The following EYA3 variants were observed in gnomAD, a reference collection of about 807,000 sequenced individuals.
EYA3 encodes protein phosphatase EYA3.
Under a neutral mutation model 80.0 loss-of-function variants are expected in EYA3, and 39 were observed. The observed-to-expected ratio is 0.49, with a 90% confidence interval of 0.38 to 0.64. The LOEUF (loss-of-function observed/expected upper bound fraction) is 0.64, where lower values mean the gene tolerates loss of function less well. Among genes scored for constraint, EYA3 ranks in the 30% least tolerant of loss-of-function variants. The pLI, the probability that EYA3 is intolerant of heterozygous loss-of-function variation, is 0.00. For missense variants in EYA3, 523 were observed against 676.1 expected (o/e 0.77, Z 2.51); for synonymous variants, 206 against 232.8 (o/e 0.88, Z 1.05).
At chr1:28,073,103 T>TTATATATA (rs201041762) in intron 1 of EYA3, among the ~76,000 whole-genome samples, 15 of 37,748 alleles carry the variant, frequency 4.0e-4, no homozygotes, top group East Asian at 1.5e-3. Context: ...GATGAAACTA[T>TTATATATA]TATATATATA....
intron 2 of EYA3, among the ~76,000 whole-genome samples, chr1:28,054,657 G>A (rs1056063191): frequency 1.3e-5 from 2 of 152,098 alleles, no homozygotes; most frequent in Non-Finnish European, 2.9e-5. Flanking sequence ...CCAGGAGTTC[G>A]AGACCAGCCT....
At chr1:28,079,729 G>T (rs1645352919) in intron 1 of EYA3, among the ~76,000 whole-genome samples, 1 of 152,056 alleles carries the variant, frequency 6.6e-6, no homozygotes. Context: ...CAGCTATTTA[G>T]GTTAAGTTTT....
intron 8 of EYA3, among the ~76,000 whole-genome samples, chr1:28,014,154 C>G (rs1641878816): frequency 6.6e-6 from 1 of 151,990 alleles, no homozygotes; most frequent in Admixed American, 6.6e-5. Flanking sequence ...CAGTGGCTTA[C>G]GCCTGTAATC....
intron 15 of EYA3, 125 bp downstream of exon 15, chr1:27,989,572 C>T (rs748476547): frequency 9.8e-6 from 5 of 508,486 alleles, no homozygotes; most frequent in Non-Finnish European, 1.1e-5. Flanking sequence ...ACAAATACTT[C>T]CCTACATCAT....
intron 1 of EYA3, among the ~76,000 whole-genome samples, chr1:28,073,424 A>G (rs942782019): frequency 2.7e-5 from 4 of 150,006 alleles, no homozygotes; most frequent in Non-Finnish European, 4.4e-5. Context: ...CAGCCTCCCG[A>G]GCAGCTGGGA....
At chr1:28,050,204 T>TA (rs1405358520) in intron 2 of EYA3, among the ~76,000 whole-genome samples, 42 of 139,916 alleles carry the variant, frequency 3.0e-4, no homozygotes, top group Admixed American at 1.7e-3. Flanking sequence ...TTATTATTAT[T>TA]TTTTTTGAGA....
chr1:28,030,947 T>A (rs1430101105), intron 6 of EYA3, among the ~76,000 whole-genome samples: 3 of 152,244 alleles, frequency 2.0e-5, no homozygotes, highest in African/African-American at 7.2e-5. Flanking sequence ...GTCATCACTG[T>A]GATTTCTTTT....
Position 27,973,551 on chromosome 1 carries a change from C to T in EYA3, c.*915G>A, listed in dbSNP as rs1638807481. Reference sequence around the variant, plus strand: ...GAAGCTAAGCCTCCTGTGATACAGTCTGAATGACAGTCAAGCTGAAGGAGT... The same window carrying T: ...GAAGCTAAGCCTCCTGTGATACAGTTTGAATGACAGTCAAGCTGAAGGAGT... On this transcript the variant is annotated 3_prime_UTR_variant, in exon 18 of 18. Coordinates refer to ENST00000373871, the MANE Select transcript of EYA3 (RefSeq NM_001990.4). 1.3e-5 allele frequency: 2 copies of T among 152,076 alleles called. No individual in the cohort carries two copies. Among genetic ancestry groups the T allele is most frequent in the Admixed American group, 1.3e-4 (2 of 15,246 alleles). The allele number at this position is 152,076 out of a possible 1,614,324, so 9.4% of individuals were successfully genotyped here.
At chr1:28,079,283 T>C (rs777932377) in intron 1 of EYA3, among the ~76,000 whole-genome samples, 25 of 152,324 alleles carry the variant, frequency 1.6e-4, no homozygotes, top group Non-Finnish European at 3.1e-4. Flanking sequence ...CCCTTTGTGA[T>C]TACAGGAAAC....
intron 7 of EYA3, among the ~76,000 whole-genome samples, chr1:28,022,601 T>C (rs1486883651): frequency 6.6e-6 from 1 of 152,204 alleles, no homozygotes; most frequent in Non-Finnish European, 1.5e-5. Flanking sequence ...GAAATATTTA[T>C]AGATATGTGT....
chr1:28,022,919 G>A (rs1274606543), intron 7 of EYA3, among the ~76,000 whole-genome samples: 1 of 152,028 alleles, frequency 6.6e-6, no homozygotes, highest in Non-Finnish European at 1.5e-5. Flanking sequence ...GTTTTGCCTT[G>A]TTGCCCAGGC....
chr1:28,073,103 T>TTCTCTCTATATATATATATATATATA (rs1447435853), intron 1 of EYA3, among the ~76,000 whole-genome samples: 1 of 37,750 alleles, frequency 2.6e-5, no homozygotes. Context: ...GATGAAACTA[T>TTCTCTCTATATATATATATATATATA]TATATATATA....
At chr1:28,053,368 T>C (rs1263036290) in intron 2 of EYA3, among the ~76,000 whole-genome samples, 1 of 152,108 alleles carries the variant, frequency 6.6e-6, no homozygotes, top group Non-Finnish European at 1.5e-5. Context: ...TGGCTAATGA[T>C]AACACAAAAA....
intron 14 of EYA3, chr1:27,990,275 A>G (rs951946634): frequency 2.8e-5 from 5 of 181,238 alleles, no homozygotes; most frequent in Non-Finnish European, 6.3e-5. Flanking sequence ...ATCACCCACC[A>G]TCTTCCTGTC....
At chr1:28,076,095 G>A (rs935865575) in intron 1 of EYA3, among the ~76,000 whole-genome samples, 1 of 152,098 alleles carries the variant, frequency 6.6e-6, no homozygotes, top group African/African-American at 2.4e-5. Context: ...TCACATTTCT[G>A]TAACCAGAAA....
intron 1 of EYA3, among the ~76,000 whole-genome samples, chr1:28,083,934 A>G (rs541502812): frequency 6.6e-6 from 1 of 152,222 alleles, no homozygotes; most frequent in Non-Finnish European, 1.5e-5. Context: ...AAATAAATGT[A>G]TTACAAAGAG....
intron 5 of EYA3, 132 bp downstream of exon 5, chr1:28,038,707 T>C: frequency 2.0e-6 from 1 of 510,636 alleles, no homozygotes; most frequent in Non-Finnish European, 3.4e-6. Flanking sequence ...GAATTAAAAA[T>C]TGGAATGACG....
At chr1:28,000,755 C>T (rs552982781) in intron 11 of EYA3, among the ~76,000 whole-genome samples, 7 of 152,172 alleles carry the variant, frequency 4.6e-5, no homozygotes, top group African/African-American at 1.7e-4. Flanking sequence ...AAAGCAAGAC[C>T]CCCGTCTCCA....
intron 12 of EYA3, chr1:27,998,433 A>G (rs1436397584): frequency 2.5e-6 from 1 of 396,990 alleles, no homozygotes; most frequent in Non-Finnish European, 3.4e-6. Flanking sequence ...AATAAAAACT[A>G]TGATGTCCTA....
Sources: gnomAD v4.1 joint callset for allele counts (sites outside exome capture counted in the v4.1 genomes callset) on GRCh38, gnomAD v4.1.1 for gene constraint, MANE v1.5 for transcripts, NCBI Gene and HGNC (gene_info 2026-07-23, HGNC 2026-07-21) for gene names.